The following SKIC3 variants were observed in gnomAD, a reference collection of about 807,000 sequenced individuals.
The protein encoded by SKIC3 is superkiller complex protein 3.
At chr5:95,521,952 A>G in the SKIC3 span, 1 of 1,467,164 alleles carries the variant, frequency 6.8e-7, no homozygotes, top group Non-Finnish European at 9.4e-7. Context: ...TTGACTAAAG[A>G]AGTCCTTTTC....
chr5:95,490,445 A>G, the SKIC3 span, among the ~76,000 whole-genome samples: 3 of 146,322 alleles, frequency 2.1e-5, no homozygotes, highest in African/African-American at 7.5e-5. Flanking sequence ...TAAATAATGT[A>G]TATATATATT....
chr5:95,536,577 A>G, the SKIC3 span: 15 of 452,046 alleles, frequency 3.3e-5, no homozygotes, highest in Non-Finnish European at 5.9e-5. Context: ...TCCACCATTA[A>G]AAAGATTTCA....
At chr5:95,523,405 T>C in the SKIC3 span, 1 of 1,441,294 alleles carries the variant, frequency 6.9e-7, no homozygotes, top group South Asian at 1.2e-5. Flanking sequence ...TACACAAACA[T>C]ATTTTCATTT....
the SKIC3 span, among the ~76,000 whole-genome samples, chr5:95,487,696 T>G: frequency 6.6e-6 from 1 of 152,118 alleles, no homozygotes; most frequent in Non-Finnish European, 1.5e-5. Flanking sequence ...AGTGCTCCCC[T>G]ACGAAAGAAA....
the SKIC3 span, among the ~76,000 whole-genome samples, chr5:95,492,599 T>C: frequency 2.1e-4 from 20 of 94,064 alleles, no homozygotes; most frequent in East Asian, 6.1e-3. Context: ...ATCCCGCCAC[T>C]GCACTCCAGC....
chr5:95,503,106 A>C, the SKIC3 span: 1 of 1,299,322 alleles, frequency 7.7e-7, no homozygotes, highest in East Asian at 2.4e-5. Flanking sequence ...GTCTAAATAC[A>C]ATTATATCTT....
the SKIC3 span, chr5:95,513,627 CT>C: frequency 6.2e-7 from 1 of 1,613,860 alleles, no homozygotes; most frequent in Non-Finnish European, 8.5e-7. Context: ...TAACTTCCAA[CT>C]GCCTCAGCAA....
chr5:95,530,316 T>G, the SKIC3 span: 34 of 1,469,888 alleles, frequency 2.3e-5, no homozygotes, highest in Admixed American at 3.9e-4. Flanking sequence ...AAATCTGCCT[T>G]TATATTCTTA....
chr5:95,473,206 A>C, the SKIC3 span, among the ~76,000 whole-genome samples: 10 of 152,292 alleles, frequency 6.6e-5, no homozygotes, highest in African/African-American at 2.4e-4. Context: ...ACTAATTTAC[A>C]TCTCCACCAA....
the SKIC3 span, among the ~76,000 whole-genome samples, chr5:95,483,834 T>C: frequency 3.8e-3 from 578 of 152,304 alleles, 4 homozygotes; most frequent in South Asian, 7.3e-3. Context: ...CCTGCAAGCA[T>C]AGAGCCCTCC....
At chr5:95,531,845 A>G in the SKIC3 span, among the ~76,000 whole-genome samples, 2 of 152,098 alleles carry the variant, frequency 1.3e-5, no homozygotes, top group African/African-American at 4.8e-5. Context: ...CTAAATGGTA[A>G]CCTCTGGAGA....
chr5:95,474,213 G>T, the SKIC3 span, among the ~76,000 whole-genome samples: 1 of 152,150 alleles, frequency 6.6e-6, no homozygotes, highest in Non-Finnish European at 1.5e-5. Flanking sequence ...AAGATCAGAT[G>T]GTTGTAGGTG....
the SKIC3 span, among the ~76,000 whole-genome samples, chr5:95,554,545 A>G: frequency 9.9e-5 from 15 of 152,162 alleles, no homozygotes; most frequent in Non-Finnish European, 1.5e-4. Context: ...AGGAACAGCT[A>G]TGCTTTCCCC....
the SKIC3 span, among the ~76,000 whole-genome samples, chr5:95,505,109 T>C: frequency 6.6e-6 from 1 of 152,172 alleles, no homozygotes; most frequent in African/African-American, 2.4e-5. Flanking sequence ...TAAAAGGAAC[T>C]TGTATAAGCT....
chr5:95,479,853 T>G, the SKIC3 span, among the ~76,000 whole-genome samples: 2 of 152,010 alleles, frequency 1.3e-5, no homozygotes, highest in African/African-American at 4.8e-5. Context: ...GTTGGAGGTT[T>G]TAATGTTACC....
chr5:95,484,388 C>T, the SKIC3 span, among the ~76,000 whole-genome samples: 1 of 148,192 alleles, frequency 6.7e-6, no homozygotes, highest in Non-Finnish European at 1.5e-5. Context: ...ATTCTGTTGC[C>T]CAGGCTGGAG....
At chr5:95,554,033 T>C in the SKIC3 span, among the ~76,000 whole-genome samples, 1 of 152,234 alleles carries the variant, frequency 6.6e-6, no homozygotes, top group African/African-American at 2.4e-5. Flanking sequence ...GCCAGTCATT[T>C]AACCTCTCTA....
chr5:95,546,614 A>T, the SKIC3 span, among the ~76,000 whole-genome samples: 13 of 152,224 alleles, frequency 8.5e-5, 1 homozygote, highest in African/African-American at 2.9e-4. Flanking sequence ...CCTACTGATG[A>T]CTTCACTCCT....
the SKIC3 span, chr5:95,494,536 G>A: frequency 1.3e-6 from 1 of 792,198 alleles, no homozygotes; most frequent in South Asian, 1.6e-5. Flanking sequence ...AACTCCTGTT[G>A]TAGAAGATCT....
Sources: allele counts gnomAD v4.1 joint callset (sites outside exome capture counted in the v4.1 genomes callset), GRCh38; gene constraint gnomAD v4.1.1; transcripts MANE v1.5; gene names NCBI Gene and HGNC (gene_info 2026-07-23, HGNC 2026-07-21).